The following RSPH14 variants were observed in gnomAD, a reference collection of about 807,000 sequenced individuals.
RSPH14 encodes the protein rhabdoid tumor deletion region gene 1.
RSPH14 carries 20 observed loss-of-function variants against 26.7 expected under a neutral mutation model. That is an observed-to-expected ratio of 0.75 (90% CI 0.53 to 1.09). The LOEUF (loss-of-function observed/expected upper bound fraction) is 1.09, where lower values mean the gene tolerates loss of function less well. Ranked by LOEUF, RSPH14 falls within the 50% of genes least tolerant of loss-of-function variation. The probability of loss-of-function intolerance (pLI) is 0.00; values close to 1 mark genes in which losing one functional copy is unlikely to be tolerated. For synonymous variants in RSPH14, 177 were observed against 189.3 expected, an observed-to-expected ratio of 0.93 and a Z score of 0.53; for missense variants, 449 against 457.2, an observed-to-expected ratio of 0.98 and a Z score of 0.16.
the RSPH14 span, chr22:23,161,383 G>A: frequency 9.2e-6 from 9 of 975,166 alleles, no homozygotes; most frequent in South Asian, 1.4e-5. Flanking sequence ...TTCAGGCCTT[G>A]AACAGCAGGC....
rs2068373856 is a variant in RSPH14, at chr22:23,071,474, CCTGACCGGCTCCTTT to C, written c.422-7356_422-7342del. Among the ~76,000 whole-genome samples the C allele has an allele frequency of 6.6e-6, 1 of 152,218 alleles. No homozygotes were observed. Among genetic ancestry groups the C allele is most frequent in the Non-Finnish European group, 1.5e-5 (1 of 68,032 alleles). On this transcript the variant is annotated intron_variant, in intron 4 of 6. Transcript: ENST00000216036. This position sits in a 1 kb window ranked among gnomAD's most constrained non-coding sequence, Gnocchi z 4.1. Reference sequence around the variant, plus strand: ...TCTTGCTTGGGGAGACAGCTGAGCCCCTGACCGGCTCCTTTCTGCCCAAGTGATTTCCCTGCCCTG... The same window carrying C: ...TCTTGCTTGGGGAGACAGCTGAGCCCCTGCCCAAGTGATTTCCCTGCCCTG...
intron 4 of RSPH14, among the ~76,000 whole-genome samples, chr22:23,070,038 C>T (rs1303844703): frequency 2.6e-5 from 4 of 152,146 alleles, no homozygotes; most frequent in African/African-American, 7.2e-5. Context: ...GAGGTGGCCC[C>T]TGGGGCTCGG....
the RSPH14 span, chr22:23,158,079 G>T: frequency 6.2e-7 from 1 of 1,612,386 alleles, no homozygotes; most frequent in Non-Finnish European, 8.5e-7. Flanking sequence ...CAGTCTCCCT[G>T]GGCTCAGGAA....
Position 23,141,951 on chromosome 22 carries a change from GC to G in RSPH14, c.-56del. On this transcript the variant is annotated 5_prime_UTR_variant, in exon 1 of 7. Transcript: ENST00000216036. ...CTAGCCCACCACCGCCGCCTCACCT[GC>G]CTCCGCAGCCCTTTCTGCTTCCAGT... 1 of 985,530 alleles carries G rather than the reference GC, an allele frequency of 1.0e-6. No individual in the cohort carries two copies. The highest frequency in any genetic ancestry group is 1.2e-6 in the Non-Finnish European group (1 of 829,980). 61.0% of individuals were successfully genotyped at this position (985,530 alleles called of 1,614,324 possible).
intron 4 of RSPH14, among the ~76,000 whole-genome samples, chr22:23,088,949 C>T (rs554428604): frequency 1.3e-5 from 2 of 152,350 alleles, no homozygotes; most frequent in Admixed American, 6.5e-5. Flanking sequence ...CCCCCAGTCA[C>T]AGTCTGGGTA....
Position 23,081,848 on chromosome 22 carries a change from A to G in RSPH14, c.422-17715T>C, listed in dbSNP as rs1261641137. Among the ~76,000 whole-genome samples the G allele has an allele frequency of 2.6e-4, 34 of 132,422 alleles. No individual in the cohort carries two copies. The East Asian group carries it at 6.3e-3, about 25-fold the overall frequency. The allele number at this position is 132,422 out of a possible 152,430, so 86.9% of individuals were successfully genotyped here. ...AAAAAAAAAAAAAAAAAAAAAGGCC[A>G]GGCGCAGTGGCTCACGCCTGTAATC... On this transcript the variant is annotated intron_variant, in intron 4 of 6. Transcript: ENST00000216036.
At chr22:23,078,603 G>A (rs970131372) in intron 4 of RSPH14, among the ~76,000 whole-genome samples, 1 of 152,230 alleles carries the variant, frequency 6.6e-6, no homozygotes, top group African/African-American at 2.4e-5. Flanking sequence ...GGATAGAGGA[G>A]GTGTGGAGGG....
At chr22:23,061,769 G>T in intron 6 of RSPH14, 40 bp downstream of exon 6, 1 of 1,611,238 alleles carries the variant, frequency 6.2e-7, no homozygotes, top group East Asian at 2.2e-5. Context: ...CTGCTAGCCT[G>T]CTAGGGTCTC....
the RSPH14 span, among the ~76,000 whole-genome samples, chr22:23,166,715 G>C: frequency 9.8e-4 from 149 of 152,072 alleles, no homozygotes; most frequent in Middle Eastern, 3.4e-3. Flanking sequence ...AGCCTCACAC[G>C]ATGTTGTTAA....
chr22:23,085,767 C>T (rs565955638), intron 4 of RSPH14, among the ~76,000 whole-genome samples: 13 of 152,360 alleles, frequency 8.5e-5, no homozygotes, highest in South Asian at 6.2e-4. Context: ...CCAGGAGGCA[C>T]GGGCAGTGGG....
chr22:23,130,485 A>AGAAG lies in RSPH14; in HGVS notation c.421+3537_421+3540dup, dbSNP rs1203388327. 2.5e-3 allele frequency among the ~76,000 whole-genome samples: 34 copies of AGAAG among 13,838 alleles called. No homozygotes were observed. The East Asian group carries it at 0.23, about 92-fold the overall frequency. 9.1% of individuals were successfully genotyped at this position (13,838 alleles called of 152,430 possible). A position where few individuals can be genotyped will look rare whatever the true frequency, so the allele number is the denominator to read the frequency against. ...AAAAAGAAAAAGAAAAGAGAAAGAAAGAAGGAAAGAAAAAGAAAGAAAGAA... is the reference window on the plus strand; with the variant it reads ...AAAAAGAAAAAGAAAAGAGAAAGAAAGAAGGAAGGAAAGAAAAAGAAAGAAAGAA... On this transcript the variant is annotated intron_variant, in intron 4 of 6. Transcript: ENST00000216036.
chr22:23,070,229 C>T (rs1475234027), intron 4 of RSPH14: 1 of 150,432 alleles, frequency 6.6e-6, no homozygotes, highest in Non-Finnish European at 1.5e-5. Context: ...CGGAGGTGCC[C>T]GGCGCGTGGT....
intron 4 of RSPH14, among the ~76,000 whole-genome samples, chr22:23,130,015 A>AGAAG (rs2070274906): frequency 6.6e-6 from 1 of 150,976 alleles, no homozygotes; most frequent in African/African-American, 2.4e-5. Flanking sequence ...AGGAAGGAAA[A>AGAAG]GAAGGAAAGA....
At chr22:23,166,941 G>A in the RSPH14 span, among the ~76,000 whole-genome samples, 107 of 152,208 alleles carry the variant, frequency 7.0e-4, 1 homozygote, top group East Asian at 0.018. Flanking sequence ...TGCCAGCCCC[G>A]TATGCAGTGA....
At chr22:23,174,177 T>C in the RSPH14 span, among the ~76,000 whole-genome samples, 1 of 151,974 alleles carries the variant, frequency 6.6e-6, no homozygotes, top group African/African-American at 2.4e-5. Context: ...AACTTTTGCT[T>C]GGGGCCTAGG....
chr22:23,145,675 C>T, upstream of RSPH14: 1 of 1,167,350 alleles, frequency 8.6e-7, no homozygotes, highest in Non-Finnish European at 1.2e-6. Flanking sequence ...AACTTGAAAG[C>T]GGCCTGCGGC....
chr22:23,067,653 G>A (rs1291515100), intron 4 of RSPH14, among the ~76,000 whole-genome samples: 2 of 152,088 alleles, frequency 1.3e-5, no homozygotes, highest in African/African-American at 2.4e-5. Flanking sequence ...CTCTCTTCCC[G>A]TGCCTCTGGT....
intron 4 of RSPH14, chr22:23,122,749 G>A (rs912629680): frequency 3.2e-5 from 10 of 311,130 alleles, no homozygotes; most frequent in East Asian, 5.7e-5. Flanking sequence ...GGGGGTCCTC[G>A]GAGCTGGAGG....
intron 4 of RSPH14, chr22:23,123,482 T>C (rs781360028): frequency 4.8e-6 from 6 of 1,245,066 alleles, no homozygotes; most frequent in South Asian, 3.9e-5. Flanking sequence ...CGGGGTGTCA[T>C]GCCCCAACGC....
Sources: allele counts gnomAD v4.1 joint callset (sites outside exome capture counted in the v4.1 genomes callset), GRCh38; gene constraint gnomAD v4.1.1; non-coding constraint Gnocchi (gnomAD v3.1); transcripts MANE v1.5; gene names NCBI Gene and HGNC (gene_info 2026-07-23, HGNC 2026-07-21).